The following SLC5A3 variants were observed in gnomAD, a reference collection of about 807,000 sequenced individuals.
SLC5A3 encodes sodium/myo-inositol cotransporter.
In SLC5A3, 10 loss-of-function variants were observed where a neutral mutation model predicts 43.2. The observed-to-expected ratio is 0.23, with a 90% CI of 0.14 to 0.39. The LOEUF is 0.39. Among genes scored for constraint, SLC5A3 ranks in the 10% least tolerant of loss-of-function variants. The pLI is 1.00. For missense variants in SLC5A3, 608 were observed against 893.4 expected (o/e 0.68, Z 4.07); for synonymous variants, 349 against 322.0 (o/e 1.08, Z -0.90).
rs189108895 is a variant in SLC5A3 at position 34,100,481 on chromosome 21, G to T, written c.*3126G>T. ...CATCAAGCAATAGCAATGGTGCTGT[G>T]TCCTTCGGCCTAAATTCAATAGATC... On this transcript the variant is annotated 3_prime_UTR_variant, in exon 2 of 2. Coordinates refer to ENST00000381151, the MANE Select transcript of SLC5A3 (RefSeq NM_006933.7). The T allele has an allele frequency of 2.6e-5, 26 of 1,000,186 alleles. No homozygotes were observed. In the East Asian group the frequency reaches 2.5e-3, roughly 96 times the overall value. The allele number at this position is 1,000,186 out of a possible 1,614,324, so 62.0% of individuals were successfully genotyped here.
At chr21:34,089,123 G>T (rs1360821387) in intron 1 of SLC5A3, among the ~76,000 whole-genome samples, 1 of 152,140 alleles carries the variant, frequency 6.6e-6, no homozygotes, top group Admixed American at 6.5e-5. Context: ...ACCTCTCTGG[G>T]TTCAAGCGAT....
rs1602935557 is a variant in SLC5A3, at chr21:34,100,448, T to G, written c.*3093T>G. On this transcript the variant is annotated 3_prime_UTR_variant, in exon 2 of 2. Transcript: ENST00000381151. ...GGGTAATTATGCTTTGTCTTTAGATTAGAGAAGCATCAAGCAATAGCAATG... is the reference window on the plus strand; with the variant it reads ...GGGTAATTATGCTTTGTCTTTAGATGAGAGAAGCATCAAGCAATAGCAATG... The G allele has an allele frequency of 1.0e-6, 1 of 1,000,230 alleles. No homozygotes were observed. The highest frequency in any genetic ancestry group is 1.2e-6 in the Non-Finnish European group (1 of 829,964). The allele number at this position is 1,000,230 out of a possible 1,614,324, so 62.0% of individuals were successfully genotyped here.
At chr21:34,085,837 C>T (rs1163679127) in intron 1 of SLC5A3, among the ~76,000 whole-genome samples, 1 of 152,084 alleles carries the variant, frequency 6.6e-6, no homozygotes, top group Non-Finnish European at 1.5e-5. Flanking sequence ...GTCCTGACCT[C>T]GTGATTCACC....
rs907772440 is a variant in SLC5A3, at chr21:34,105,735, TGTC to T, written c.*8381_*8383del. On this transcript the variant is annotated 3_prime_UTR_variant, in exon 2 of 2. Coordinates refer to ENST00000381151, the MANE Select transcript of SLC5A3 (RefSeq NM_006933.7). ...AATGGATTTCCAGTTTACCTTCTGT[TGTC>T]TACAGCTTTTTTAATTTTAAGGTTT... 4 of 998,228 alleles carry T rather than the reference TGTC, an allele frequency of 4.0e-6. No individual in the cohort carries two copies. In the African/African-American group the frequency reaches 7.0e-5, roughly 17 times the overall value. The allele number at this position is 998,228 out of a possible 1,614,324, so 61.8% of individuals were successfully genotyped here. A position where few individuals can be genotyped will look rare whatever the true frequency, so the allele number is the denominator to read the frequency against.
In SLC5A3 at chr21:34,088,938, CAGAT is replaced by C. The variant is rs201884644; in HGVS notation, c.-336-5922_-336-5919del. ...TCTTTGATAAACAGTCTTTTACAAG[CAGAT>C]AGTGTTGAGCCTCTTGAATTCTTAT... On this transcript the variant is annotated intron_variant, in intron 1 of 1. Coordinates refer to ENST00000381151, the MANE Select transcript of SLC5A3 (RefSeq NM_006933.7). Among the ~76,000 whole-genome samples, 713 of 151,862 alleles carry C rather than the reference CAGAT, an allele frequency of 4.7e-3. 5 individuals are homozygous for C. Among genetic ancestry groups the C allele is most frequent in the African/African-American group, 0.016 (668 of 41,406 alleles).
Position 34,104,133 on chromosome 21 carries a change from C to T in SLC5A3, c.*6778C>T, listed in dbSNP as rs1979370688. On this transcript the variant is annotated 3_prime_UTR_variant, in exon 2 of 2. Transcript: ENST00000381151. ...GAGATGAAGTTACCTTTATTTTTTT[C>T]CTATACTTGACTGTGCTTCATTTTA... 2.0e-6 allele frequency: 2 copies of T among 999,528 alleles called. No individual in the cohort carries two copies. Among genetic ancestry groups the T allele is most frequent in the Middle Eastern group, 5.2e-4 (1 of 1,916 alleles). 61.9% of individuals were successfully genotyped at this position (999,528 alleles called of 1,614,324 possible). A position where few individuals can be genotyped will look rare whatever the true frequency, so the allele number is the denominator to read the frequency against.
At chr21:34,079,078 C>T (rs1989399452) in intron 1 of SLC5A3, among the ~76,000 whole-genome samples, 1 of 152,160 alleles carries the variant, frequency 6.6e-6, no homozygotes, top group Non-Finnish European at 1.5e-5. Context: ...CTTTTTGTTG[C>T]TTTGAAATTA....
rs1471042126 is a variant in SLC5A3 at position 34,095,189 on chromosome 21, A to G, written c.-10A>G. 1.3e-6 allele frequency: 2 copies of G among 1,579,538 alleles called. No individual in the cohort carries two copies. Among genetic ancestry groups the G allele is most frequent in the African/African-American group, 1.4e-5 (1 of 73,348 alleles). On this transcript the variant is annotated 5_prime_UTR_variant, in exon 2 of 2. Transcript: ENST00000381151. The stretch of plus-strand genomic sequence containing the variant: ...TGTCATTGGAGCGCTATTATTCACA[A>G]GTTACCAGAATGAGAGCTGTACTGG...
Position 34,098,146 on chromosome 21 carries a change from C to T in SLC5A3, c.*791C>T, listed in dbSNP as rs1187161357. 2.0e-6 allele frequency: 2 copies of T among 999,832 alleles called. No homozygotes were observed. Among genetic ancestry groups the T allele is most frequent in the African/African-American group, 3.5e-5 (2 of 57,200 alleles). 61.9% of individuals were successfully genotyped at this position (999,832 alleles called of 1,614,324 possible). A position where few individuals can be genotyped will look rare whatever the true frequency, so the allele number is the denominator to read the frequency against. On this transcript the variant is annotated 3_prime_UTR_variant, in exon 2 of 2. Coordinates refer to ENST00000381151, the MANE Select transcript of SLC5A3 (RefSeq NM_006933.7). The stretch of plus-strand genomic sequence containing the variant: ...GCTGATGATCCCCATATTTATTGAT[C>T]ATATTAAGGTTGTTTATATAGTTTG...
At position 34,095,854 on chromosome 21, in the gene SLC5A3, T is replaced by A; in HGVS notation, c.656T>A (p.Leu219Ter). The part of the protein sequence containing the change: ...GFEEVKRRYM[L>*]ASPDVTSILL... ...GAGGAAGTTAAGAGAAGGTACATGT[T>A]GGCCTCACCCGATGTCACTTCCATC... Residue 219 changes from leucine to a stop codon, truncating the protein, a stop_gained, in exon 2 of 2, where the codon TTG becomes TAG. Transcript: ENST00000381151. LOFTEE classifies it high-confidence loss of function. 1 of 1,614,120 alleles carries A rather than the reference T, an allele frequency of 6.2e-7. No individual in the cohort carries two copies. Among genetic ancestry groups the A allele is most frequent in the Non-Finnish European group, 8.5e-7 (1 of 1,180,004 alleles).
In SLC5A3 at chr21:34,073,680, G is replaced by A; in HGVS notation, c.-402G>A. 1.3e-6 allele frequency: 2 copies of A among 1,513,608 alleles called. No individual in the cohort carries two copies. The highest frequency in any genetic ancestry group is 1.9e-5 in the Admixed American group (1 of 53,880). The allele number at this position is 1,513,608 out of a possible 1,614,324, so 93.8% of individuals were successfully genotyped here. On this transcript the variant is annotated 5_prime_UTR_variant, in exon 1 of 2. Coordinates refer to ENST00000381151, the MANE Select transcript of SLC5A3 (RefSeq NM_006933.7). ...CCGGGAACCGGCTGGCTTCCGAGCCGCACTCGCCGATCCTCCAGGCATGCC... is the reference window on the plus strand; with the variant it reads ...CCGGGAACCGGCTGGCTTCCGAGCCACACTCGCCGATCCTCCAGGCATGCC...
At chr21:34,077,406 G>C (rs1471800328) in intron 1 of SLC5A3, among the ~76,000 whole-genome samples, 1 of 152,212 alleles carries the variant, frequency 6.6e-6, no homozygotes, top group African/African-American at 2.4e-5. Context: ...CCTTTTCCCA[G>C]AAGGTGTTCA....
At position 34,104,402 on chromosome 21, in the gene SLC5A3, G is replaced by T. The variant is rs1208138840; in HGVS notation, c.*7047G>T. 5 of 1,000,014 alleles carry T rather than the reference G, an allele frequency of 5.0e-6. No individual in the cohort carries two copies. In the African/African-American group the frequency reaches 8.7e-5, roughly 17 times the overall value. The allele number at this position is 1,000,014 out of a possible 1,614,324, so 61.9% of individuals were successfully genotyped here. ...CACCTCCGAGTAGCTTGTTTATCAA[G>T]AATGAATGAATGTCTTTGTCTTAAA... On this transcript the variant is annotated 3_prime_UTR_variant, in exon 2 of 2. Transcript: ENST00000381151.
At chr21:34,082,833 G>A (rs1245263461) in intron 1 of SLC5A3, among the ~76,000 whole-genome samples, 5 of 152,028 alleles carry the variant, frequency 3.3e-5, no homozygotes, top group Non-Finnish European at 1.5e-5. Context: ...TTGGCCCAAG[G>A]TGTAATTGAC....
chr21:34,080,909 T>C lies in SLC5A3; in HGVS notation c.-337+7164T>C, dbSNP rs547249489. 6.6e-5 allele frequency among the ~76,000 whole-genome samples: 10 copies of C among 152,358 alleles called. No homozygotes were observed. In the South Asian group the frequency reaches 1.9e-3, roughly 28 times the overall value. ...TGCACTTCGCTCACGCTGGGTGAGT[T>C]GTATGTTACCAGAAGTTGTGTTGAT... On this transcript the variant is annotated intron_variant, in intron 1 of 1. Coordinates refer to ENST00000381151, the MANE Select transcript of SLC5A3 (RefSeq NM_006933.7).
chr21:34,097,097 T>G lies in SLC5A3; in HGVS notation c.1899T>G (p.Asn633Lys). ...AAACACCAGTTGACGCTTACTCCAA[T>G]GGGCAAGCAGCTCTCATGGGTGAGA... ...EAETPVDAYSNGQAALMGEKE... is the reference protein window; with the variant it reads ...EAETPVDAYSKGQAALMGEKE... Residue 633 changes from asparagine to lysine, a missense_variant, in exon 2 of 2, where the codon AAT (asparagine) becomes AAG (lysine). By Grantham distance (94) the Asn-to-Lys change is moderately conservative. Coordinates refer to ENST00000381151, the MANE Select transcript of SLC5A3 (RefSeq NM_006933.7). The G allele has an allele frequency of 6.2e-7, 1 of 1,613,980 alleles. No individual in the cohort carries two copies. The highest frequency in any genetic ancestry group is 8.5e-7 in the Non-Finnish European group (1 of 1,179,954).
At position 34,073,600 on chromosome 21, in the gene SLC5A3, C is replaced by A; in HGVS notation, c.-482C>A. On this transcript the variant is annotated 5_prime_UTR_variant, in exon 1 of 2. Transcript: ENST00000381151. ...CGTGCTTTCGCCGCCTGGGAGCCGT[C>A]CGGCGCAGCAGTTTCTAGGTCCCCA... 3 of 1,054,034 alleles carry A rather than the reference C, an allele frequency of 2.8e-6. No homozygotes were observed. Among genetic ancestry groups the A allele is most frequent in the South Asian group, 1.4e-5 (1 of 70,918 alleles). 65.3% of individuals were successfully genotyped at this position (1,054,034 alleles called of 1,614,324 possible).
rs1341962643 is a variant in SLC5A3 at position 34,095,877 on chromosome 21, A to G, written c.679A>G (p.Ile227Val). 4.3e-6 allele frequency: 7 copies of G among 1,613,972 alleles called. No homozygotes were observed. The East Asian group carries it at 6.7e-5, about 15-fold the overall frequency. Residue 227 changes from isoleucine (I) to valine (V), a missense_variant, in exon 2 of 2, where the codon ATC becomes GTC. By Grantham distance (29) the Ile-to-Val change is conservative. Coordinates refer to ENST00000381151, the MANE Select transcript of SLC5A3 (RefSeq NM_006933.7). ...YMLASPDVTS[I>V]LLTYNLSNTN... ...GTTGGCCTCACCCGATGTCACTTCC[A>G]TCTTATTGACATACAACCTTTCCAA...
Position 34,073,678 on chromosome 21 carries a change from C to G in SLC5A3, c.-404C>G. On this transcript the variant is annotated 5_prime_UTR_variant, in exon 1 of 2. Transcript: ENST00000381151. ...TCCCGGGAACCGGCTGGCTTCCGAG[C>G]CGCACTCGCCGATCCTCCAGGCATG... 6.6e-7 allele frequency: 1 copy of G among 1,515,268 alleles called. No individual in the cohort carries two copies. The highest frequency in any genetic ancestry group is 8.9e-7 in the Non-Finnish European group (1 of 1,123,832). The allele number at this position is 1,515,268 out of a possible 1,614,324, so 93.9% of individuals were successfully genotyped here. A position where few individuals can be genotyped will look rare whatever the true frequency, so the allele number is the denominator to read the frequency against.
Sources: gnomAD v4.1 joint callset for allele counts (sites outside exome capture counted in the v4.1 genomes callset) on GRCh38, gnomAD v4.1.1 for gene constraint, MANE v1.5 for transcripts, NCBI Gene and HGNC (gene_info 2026-07-23, HGNC 2026-07-21) for gene names.